CARD8: variants seen among roughly 807,000 people sequenced by gnomAD.
The protein encoded by CARD8 is caspase recruitment domain-containing protein 8.
In CARD8, 38 loss-of-function variants were observed where a neutral mutation model predicts 53.2. The observed-to-expected ratio is 0.71, with a 90% CI of 0.55 to 0.94. The LOEUF (loss-of-function observed/expected upper bound fraction) is 0.94. CARD8 is among the 40% of genes least tolerant of loss of function. The pLI, the probability that CARD8 is intolerant of heterozygous loss-of-function variation, is 0.00. For missense variants in CARD8, 561 were observed against 655.5 expected, an observed-to-expected ratio of 0.86 and a Z score of 1.57; for synonymous variants, 245 against 244.9, an observed-to-expected ratio of 1.00 and a Z score of 0.00.
At chr19:48,218,274 T>C (rs1272512268) in intron 12 of CARD8, among the ~76,000 whole-genome samples, 1 of 152,062 alleles carries the variant, frequency 6.6e-6, no homozygotes, top group Non-Finnish European at 1.5e-5. Context: ...AAGGTAAACA[T>C]GTGCCATGGT....
At chr19:48,217,377 T>G (rs1175561774) in intron 12 of CARD8, among the ~76,000 whole-genome samples, 1 of 152,202 alleles carries the variant, frequency 6.6e-6, no homozygotes, top group Non-Finnish European at 1.5e-5. Flanking sequence ...TTCCACAACA[T>G]GTACTCACAC....
At chr19:48,218,766 C>A in intron 12 of CARD8, 105 bp downstream of exon 12, 1 of 1,266,134 alleles carries the variant, frequency 7.9e-7, no homozygotes, top group Non-Finnish European at 1.1e-6. Flanking sequence ...GATTTCTTTT[C>A]TTCTCTGGGA....
downstream of CARD8, chr19:48,203,238 C>T (rs2037234036): frequency 6.6e-6 from 1 of 152,286 alleles, no homozygotes; most frequent in Non-Finnish European, 1.5e-5. Context: ...CAAATGCCAC[C>T]TCTTCCTGAA....
At position 48,231,009 on chromosome 19, in the gene CARD8, G is replaced by GA; in HGVS notation, c.543-4dup. The GA allele has an allele frequency of 6.2e-7, 1 of 1,611,842 alleles. No individual in the cohort carries two copies. Among genetic ancestry groups the GA allele is most frequent in the East Asian group, 2.2e-5 (1 of 44,868 alleles). ...AGCCAGCAGTGGGGAACCAAACGCT[G>GA]AAAGGAGCCAGAGTGATGTCATGAC... On this transcript the variant is annotated splice_region_variant and splice_polypyrimidine_tract_variant and intron_variant, in intron 8 of 13. Transcript: ENST00000651546.
chr19:48,215,247 G>T, intron 13 of CARD8, 93 bp downstream of exon 13: 1 of 883,324 alleles, frequency 1.1e-6, no homozygotes, highest in East Asian at 2.6e-5. Context: ...GTAACGTTCT[G>T]GTGCCATGTC....
intron 4 of CARD8, among the ~76,000 whole-genome samples, 193 bp downstream of exon 4, chr19:48,240,768 CA>C (rs34345721): frequency 0.37 from 50,917 of 135,818 alleles, 8,622 homozygotes; most frequent in Admixed American, 0.42. Context: ...GACTCTGTGT[CA>C]AAAAAAAAAA....
chr19:48,234,632 G>A, intron 5 of CARD8, 89 bp from the exon 6 acceptor site: 7 of 1,175,836 alleles, frequency 6.0e-6, no homozygotes, highest in Non-Finnish European at 8.3e-6. Context: ...TATGTTAATA[G>A]CCATAGACTC....
At chr19:48,220,218 C>A (rs1388390116) in intron 11 of CARD8, among the ~76,000 whole-genome samples, 1 of 152,132 alleles carries the variant, frequency 6.6e-6, no homozygotes, top group Non-Finnish European at 1.5e-5. Flanking sequence ...AAAATCAGAG[C>A]AAGGTTGGGC....
At position 48,241,013 on chromosome 19, in the gene CARD8, T is replaced by C. The variant is rs1181515064; in HGVS notation, c.8A>G (p.Lys3Arg). 1.3e-5 allele frequency: 20 copies of C among 1,535,888 alleles called. No individual in the cohort carries two copies. The highest frequency in any genetic ancestry group is 1.6e-5 in the Non-Finnish European group (18 of 1,146,708). Residue 3 changes from lysine to arginine, a missense_variant, in exon 4 of 14, where the codon AAA becomes AGA. Coordinates refer to ENST00000651546, the MANE Select transcript of CARD8 (RefSeq NM_001184900.3). ...GCTACTCTTTTCTGGACACTCCTTT[T>C]TTTCCATTTGTCAAATGTGGTATTT... ME[K>R]KECPEKSSSS...
chr19:48,206,951 G>A (rs759440733), downstream of CARD8, among the ~76,000 whole-genome samples: 6 of 151,938 alleles, frequency 3.9e-5, no homozygotes, highest in Non-Finnish European at 7.4e-5. Flanking sequence ...ATCTCTTAGC[G>A]ATTGCTCTCG....
chr19:48,235,673 C>T (rs904310716), intron 5 of CARD8, among the ~76,000 whole-genome samples: 3 of 152,024 alleles, frequency 2.0e-5, no homozygotes, highest in African/African-American at 7.3e-5. Flanking sequence ...CATGAGCCAC[C>T]GCACCCAGCC....
chr19:48,238,187 A>G lies in CARD8; in HGVS notation c.209+196T>C, dbSNP rs11882946. ...ATTACAGGTGTGAGCCACTGGGCTC[A>G]GACCTTTTTTCCCTACTTCTTATGA... is the stretch of plus-strand genomic sequence containing the variant. On this transcript the variant is annotated intron_variant, in intron 5 of 13. Transcript: ENST00000651546. 0.01 allele frequency: 10,478 copies of G among 1,022,070 alleles called. 547 individuals are homozygous for G. The African/African-American group carries it at 0.12, about 12-fold the overall frequency. 63.3% of individuals were successfully genotyped at this position (1,022,070 alleles called of 1,614,324 possible). A position where few individuals can be genotyped will look rare whatever the true frequency, so the allele number is the denominator to read the frequency against.
At chr19:48,220,359 A>C (rs970295105) in intron 11 of CARD8, among the ~76,000 whole-genome samples, 3 of 152,190 alleles carry the variant, frequency 2.0e-5, no homozygotes, top group Non-Finnish European at 4.4e-5. Flanking sequence ...TAGTGTCCAA[A>C]AAGGAGACAT....
At chr19:48,239,690 G>C (rs1195232438) in intron 4 of CARD8, among the ~76,000 whole-genome samples, 1 of 152,052 alleles carries the variant, frequency 6.6e-6, no homozygotes, top group Non-Finnish European at 1.5e-5. Flanking sequence ...TGGCCAGACT[G>C]GTCTCGAACT....
intron 13 of CARD8, among the ~76,000 whole-genome samples, chr19:48,214,198 TGA>T (rs1316060357): frequency 1.3e-5 from 2 of 152,212 alleles, no homozygotes; most frequent in African/African-American, 4.8e-5. Context: ...GGAGCCTTGC[TGA>T]GAGATGCTGT....
Position 48,218,649 on chromosome 19 carries a change from T to C in CARD8, c.1303+222A>G, listed in dbSNP as rs569749450. On this transcript the variant is annotated intron_variant, in intron 12 of 13. Transcript: ENST00000651546. The stretch of plus-strand genomic sequence containing the variant: ...GTTTACAGGCATGAGGCACCGTATC[T>C]GGCCTTTTAGCTATTTATCTAGATG... Among the ~76,000 whole-genome samples the C allele has an allele frequency of 1.2e-4, 18 of 152,258 alleles. No homozygotes were observed. In the East Asian group the frequency reaches 3.5e-3, roughly 29 times the overall value.
rs536416126 is a variant in CARD8 at position 48,218,209 on chromosome 19, TTTTAA to T, written c.1303+657_1303+661del. Among the ~76,000 whole-genome samples the T allele has an allele frequency of 1.6e-4, 24 of 152,262 alleles. No individual in the cohort carries two copies. The South Asian group carries it at 3.5e-3, about 22-fold the overall frequency. On this transcript the variant is annotated intron_variant, in intron 12 of 13. Coordinates refer to ENST00000651546, the MANE Select transcript of CARD8 (RefSeq NM_001184900.3). ...CATTTTATTTTATTCAAACTATTTT[TTTTAA>T]TTTAATTTAAGTTCTGGGATACATG...
Position 48,234,395 on chromosome 19 carries a change from T to C in CARD8, c.350+8A>G. On this transcript the variant is annotated splice_region_variant and intron_variant, in intron 6 of 13. Coordinates refer to ENST00000651546, the MANE Select transcript of CARD8 (RefSeq NM_001184900.3). ...CCAATAGTTTTCCAACGGAATAGCT[T>C]TTCTTACCTGGGAATGTCCCCCCCA... 1 of 1,606,550 alleles carries C rather than the reference T, an allele frequency of 6.2e-7. No homozygotes were observed. The highest frequency in any genetic ancestry group is 8.5e-7 in the Non-Finnish European group (1 of 1,177,230).
intron 5 of CARD8, among the ~76,000 whole-genome samples, chr19:48,235,230 G>A (rs2043663426): frequency 6.6e-6 from 1 of 152,050 alleles, no homozygotes; most frequent in Admixed American, 6.6e-5. Context: ...TCCTCCTATG[G>A]CTGGCAGGAA....
Sources: allele counts gnomAD v4.1 joint callset (sites outside exome capture counted in the v4.1 genomes callset), GRCh38; gene constraint gnomAD v4.1.1; transcripts MANE v1.5; gene names NCBI Gene and HGNC (gene_info 2026-07-23, HGNC 2026-07-21).